Variants in RSPO3 observed in about 807,000 individuals in gnomAD.
RSPO3 encodes the protein R-spondin-3.
RSPO3 carries 17 observed loss-of-function variants against 36.5 expected under a neutral mutation model. That is an observed-to-expected ratio of 0.47 (90% confidence interval 0.32 to 0.70). The LOEUF (loss-of-function observed/expected upper bound fraction) is 0.70, where lower values mean the gene tolerates loss of function less well. RSPO3 is among the 30% of genes least tolerant of loss of function. The pLI is 0.04. For missense variants in RSPO3, 294 were observed against 322.5 expected (o/e 0.91, Z 0.68); for synonymous variants, 108 against 107.0 (o/e 1.01, Z -0.06).
chr6:127,197,953 C>A lies in RSPO3; in HGVS notation c.*1946C>A, dbSNP rs534846852. Among the ~76,000 whole-genome samples the A allele has an allele frequency of 1.3e-5, 2 of 152,298 alleles. No homozygotes were observed. Among genetic ancestry groups the A allele is most frequent in the East Asian group, 3.9e-4 (2 of 5,188 alleles). On this transcript the variant is annotated 3_prime_UTR_variant, in exon 5 of 5. Transcript: ENST00000356698. The stretch of plus-strand genomic sequence containing the variant: ...TAGAAATATGTCCCCAGGTTTGAGA[C>A]CTTTCGGATGATTTCATATACCATC...
Position 127,197,477 on chromosome 6 carries a change from C to T in RSPO3, c.*1470C>T, listed in dbSNP as rs1241939217. 4 of 1,550,512 alleles carry T rather than the reference C, an allele frequency of 2.6e-6. No individual in the cohort carries two copies. In the African/African-American group the frequency reaches 4.1e-5, roughly 16 times the overall value. On this transcript the variant is annotated 3_prime_UTR_variant, in exon 5 of 5. Coordinates refer to ENST00000356698, the MANE Select transcript of RSPO3 (RefSeq NM_032784.5). Reference sequence around the variant, plus strand: ...CCTCACCAGTGTTTCACAGAGGACACAGCCCACCCCTTGCAGGAGGAGGTA... The same window carrying T: ...CCTCACCAGTGTTTCACAGAGGACATAGCCCACCCCTTGCAGGAGGAGGTA...
intron 1 of RSPO3, among the ~76,000 whole-genome samples, chr6:127,126,192 A>C (rs771509808): frequency 6.6e-6 from 1 of 152,096 alleles, no homozygotes; most frequent in Non-Finnish European, 1.5e-5. Flanking sequence ...TTGAGGAGCC[A>C]GTAGGACGTT....
At chr6:127,146,464 A>C (rs1307739655) in intron 1 of RSPO3, among the ~76,000 whole-genome samples, 1 of 152,148 alleles carries the variant, frequency 6.6e-6, no homozygotes. Flanking sequence ...CTCTCTCCTG[A>C]AGAACATTCC....
chr6:127,120,796 G>A (rs1485751340), intron 1 of RSPO3, among the ~76,000 whole-genome samples: 1 of 152,252 alleles, frequency 6.6e-6, no homozygotes. Context: ...GCAGGGGGCA[G>A]GAGAGCCCAA....
chr6:127,190,272 T>A (rs1775381803), intron 4 of RSPO3, among the ~76,000 whole-genome samples: 1 of 151,798 alleles, frequency 6.6e-6, no homozygotes, highest in African/African-American at 2.4e-5. Context: ...CTACTAAAAA[T>A]ACAAAATTAG....
chr6:127,131,443 T>G (rs184058579), intron 1 of RSPO3, among the ~76,000 whole-genome samples: 1 of 152,206 alleles, frequency 6.6e-6, no homozygotes, highest in African/African-American at 2.4e-5. Flanking sequence ...TAATAGTTTT[T>G]ACCCAAACTA....
chr6:127,190,661 G>A (rs906684023), intron 4 of RSPO3, among the ~76,000 whole-genome samples: 2 of 152,122 alleles, frequency 1.3e-5, no homozygotes, highest in South Asian at 2.1e-4. Context: ...CATATAATTC[G>A]TGATATTTAG....
chr6:127,189,682 A>G (rs913594675), intron 4 of RSPO3, among the ~76,000 whole-genome samples: 8 of 152,238 alleles, frequency 5.3e-5, no homozygotes, highest in African/African-American at 1.7e-4. Context: ...TCTTTGTAAA[A>G]GTGGGCTCAA....
rs1775577664 is a variant in RSPO3, at chr6:127,199,383, T to TGCA, written c.*3376_*3377insGCA. Among the ~76,000 whole-genome samples, 1 of 152,184 alleles carries TGCA rather than the reference T, an allele frequency of 6.6e-6. No homozygotes were observed. Among genetic ancestry groups the TGCA allele is most frequent in the South Asian group, 2.1e-4 (1 of 4,834 alleles). ...TCTTGATTCATGATATGTGATAGTA[T>TGCA]TCATAAAAATGTACATGCATGATAA... On this transcript the variant is annotated 3_prime_UTR_variant, in exon 5 of 5. Coordinates refer to ENST00000356698, the MANE Select transcript of RSPO3 (RefSeq NM_032784.5).
At chr6:127,130,921 T>C (rs962943017) in intron 1 of RSPO3, among the ~76,000 whole-genome samples, 5 of 152,060 alleles carry the variant, frequency 3.3e-5, no homozygotes, top group African/African-American at 1.2e-4. Flanking sequence ...CCTTAGCCCC[T>C]CTGACTTTAA....
intron 4 of RSPO3, among the ~76,000 whole-genome samples, chr6:127,189,302 T>C (rs369832924): frequency 6.6e-6 from 1 of 151,454 alleles, no homozygotes; most frequent in African/African-American, 2.4e-5. Flanking sequence ...AATTCAACAG[T>C]AAGTCTGAGT....
chr6:127,121,344 G>A (rs1232366859), intron 1 of RSPO3, among the ~76,000 whole-genome samples: 1 of 152,204 alleles, frequency 6.6e-6, no homozygotes, highest in South Asian at 2.1e-4. Context: ...GGGCCGAGAG[G>A]AGTCAAAAGG....
rs1775569825 is a variant in RSPO3, at chr6:127,199,084, AT to A, written c.*3078del. ...CTCACAAAGGGAGACAGCAAAGAAAATGGAAAGTGCACTGGTGCTAGCGTTA... is the reference window on the plus strand; with the variant it reads ...CTCACAAAGGGAGACAGCAAAGAAAAGGAAAGTGCACTGGTGCTAGCGTTA... On this transcript the variant is annotated 3_prime_UTR_variant, in exon 5 of 5. Coordinates refer to ENST00000356698, the MANE Select transcript of RSPO3 (RefSeq NM_032784.5). Among the ~76,000 whole-genome samples, 1 of 152,218 alleles carries A rather than the reference AT, an allele frequency of 6.6e-6. No homozygotes were observed. The highest frequency in any genetic ancestry group is 2.4e-5 in the African/African-American group (1 of 41,460).
intron 4 of RSPO3, among the ~76,000 whole-genome samples, chr6:127,175,731 TACTC>T (rs1554222272): frequency 6.6e-6 from 1 of 151,750 alleles, no homozygotes; most frequent in Non-Finnish European, 1.5e-5. Context: ...ATTTTGTTGT[TACTC>T]AGCCTCATTT....
intron 4 of RSPO3, among the ~76,000 whole-genome samples, chr6:127,180,491 A>AAG (rs1775160583): frequency 6.9e-6 from 1 of 145,176 alleles, no homozygotes; most frequent in African/African-American, 2.6e-5. Flanking sequence ...AGAAAACAAA[A>AAG]AAAAAAAAAA....
At position 127,191,111 on chromosome 6, in the gene RSPO3, T is replaced by C. The variant is rs59946083; in HGVS notation, c.635-4712T>C. Among the ~76,000 whole-genome samples, 801 of 152,328 alleles carry C rather than the reference T, an allele frequency of 5.3e-3. 6 individuals are homozygous for C. The highest frequency in any genetic ancestry group is 0.018 in the African/African-American group (728 of 41,560). On this transcript the variant is annotated intron_variant, in intron 4 of 4. Coordinates refer to ENST00000356698, the MANE Select transcript of RSPO3 (RefSeq NM_032784.5). ...CAGGTTTTAAAAAGATAACCTGCAA[T>C]TAATTTAATTTATATCTGGGTGCCT...
chr6:127,118,892 A>C lies in RSPO3; in HGVS notation c.-301A>C, dbSNP rs1254958893. ...TCCCGCCTGCGGCAGTTGCCGCACA[A>C]CATGCTACCTGCGGCCGCCCCGGCG... is the stretch of plus-strand genomic sequence containing the variant. On this transcript the variant is annotated 5_prime_UTR_variant, in exon 1 of 5. Transcript: ENST00000356698. 12 of 206,522 alleles carry C rather than the reference A, an allele frequency of 5.8e-5. No individual in the cohort carries two copies. The allele number at this position is 206,522 out of a possible 1,614,324, so 12.8% of individuals were successfully genotyped here.
intron 4 of RSPO3, among the ~76,000 whole-genome samples, chr6:127,159,135 G>A (rs984330704): frequency 2.6e-5 from 4 of 152,104 alleles, no homozygotes; most frequent in Admixed American, 2.6e-4. Flanking sequence ...AGATGTGTGT[G>A]CACCTGCATT....
chr6:127,167,492 T>C (rs1169270197), intron 4 of RSPO3, among the ~76,000 whole-genome samples: 1 of 152,064 alleles, frequency 6.6e-6, no homozygotes, highest in Non-Finnish European at 1.5e-5. Context: ...ATGGTGTATA[T>C]GTGCCACATT....
Sources: allele counts gnomAD v4.1 joint callset (sites outside exome capture counted in the v4.1 genomes callset), GRCh38; gene constraint gnomAD v4.1.1; transcripts MANE v1.5; gene names NCBI Gene and HGNC (gene_info 2026-07-23, HGNC 2026-07-21).